Variants in SGPP2 observed in about 807,000 individuals in gnomAD.
SGPP2 encodes sphingosine 1-phosphate phosphohydrolase 2.
In SGPP2, 30 loss-of-function variants were observed where a neutral mutation model predicts 33.9. The ratio of observed to expected loss-of-function variants is 0.89; its 90% CI spans 0.66 to 1.20. SGPP2 has a LOEUF of 1.20. Among genes scored for constraint, SGPP2 ranks in the 50% most tolerant of loss-of-function variants. SGPP2 has a pLI of 0.00. For synonymous variants in SGPP2, 233 were observed against 225.0 expected (o/e 1.04, Z -0.32); for missense variants, 458 against 532.1 (o/e 0.86, Z 1.37).
At chr2:222,504,836 C>G (rs1003150907) in intron 2 of SGPP2, 1 of 152,226 alleles carries the variant, frequency 6.6e-6, no homozygotes, top group Non-Finnish European at 1.5e-5. Flanking sequence ...CCAGCTTTTA[C>G]AGTCATGACA....
intron 1 of SGPP2, among the ~76,000 whole-genome samples, chr2:222,470,617 C>T (rs1171776301): frequency 1.3e-5 from 2 of 151,926 alleles, no homozygotes; most frequent in Non-Finnish European, 2.9e-5. Flanking sequence ...CAATTGTTTA[C>T]TAGGTCTCAG....
intron 2 of SGPP2, among the ~76,000 whole-genome samples, chr2:222,499,485 T>C (rs1698333584): frequency 6.6e-6 from 1 of 152,206 alleles, no homozygotes; most frequent in African/African-American, 2.4e-5. Flanking sequence ...ACTGGCTGTT[T>C]AGAAGGAGAG....
At chr2:222,517,848 G>A (rs980519861) in intron 2 of SGPP2, among the ~76,000 whole-genome samples, 7 of 152,242 alleles carry the variant, frequency 4.6e-5, no homozygotes, top group African/African-American at 1.7e-4. Context: ...TGTGAAGGGG[G>A]TCAGGGAACT....
intron 2 of SGPP2, among the ~76,000 whole-genome samples, chr2:222,493,569 A>G (rs1574859750): frequency 6.6e-6 from 1 of 152,318 alleles, no homozygotes; most frequent in East Asian, 1.9e-4. Flanking sequence ...CTCCTAGACT[A>G]CAGCAGTCCT....
chr2:222,554,811 C>CTTTTTAGTTTTTCTTTACGTGA (rs1689359982), intron 4 of SGPP2, among the ~76,000 whole-genome samples: 1 of 152,116 alleles, frequency 6.6e-6, no homozygotes, highest in Non-Finnish European at 1.5e-5. Context: ...CAAAAGAGAG[C>CTTTTTAGTTTTTCTTTACGTGA]ACCAGCTTTT....
chr2:222,448,213 A>G (rs1697425636), intron 1 of SGPP2, among the ~76,000 whole-genome samples: 1 of 152,200 alleles, frequency 6.6e-6, no homozygotes. Flanking sequence ...CAAGCTCTGT[A>G]CCATAAAGCT....
intron 2 of SGPP2, among the ~76,000 whole-genome samples, chr2:222,483,307 A>AT (rs202239975): frequency 0.025 from 3,666 of 145,960 alleles, 139 homozygotes; most frequent in African/African-American, 0.076. Context: ...TATAAATTTC[A>AT]TTTTTTTTTT....
intron 4 of SGPP2, among the ~76,000 whole-genome samples, chr2:222,540,231 T>A (rs999372506): frequency 4.0e-4 from 61 of 152,192 alleles, no homozygotes; most frequent in African/African-American, 1.4e-3. Flanking sequence ...ATGAAATTCA[T>A]TTATGTTTCA....
In SGPP2 at chr2:222,477,346, G is replaced by T. The variant is rs1009323860; in HGVS notation, c.378+2620G>T. ...ATGTGTGTCTATGTGTGTGTGTATAGGTGTGTATATATGTGTATGTGTGTA... is the reference window on the plus strand; with the variant it reads ...ATGTGTGTCTATGTGTGTGTGTATATGTGTGTATATATGTGTATGTGTGTA... On this transcript the variant is annotated intron_variant, in intron 2 of 4. Coordinates refer to ENST00000321276, the MANE Select transcript of SGPP2 (RefSeq NM_152386.4). The surrounding 1 kb of genome is among the most constrained non-coding windows in gnomAD (Gnocchi z 6.0). Among the ~76,000 whole-genome samples, 1 of 143,168 alleles carries T rather than the reference G, an allele frequency of 7.0e-6. No homozygotes were observed. The highest frequency in any genetic ancestry group is 1.5e-5 in the Non-Finnish European group (1 of 65,224). The allele number at this position is 143,168 out of a possible 152,430, so 93.9% of individuals were successfully genotyped here.
intron 4 of SGPP2, among the ~76,000 whole-genome samples, chr2:222,555,989 G>C (rs1689392068): frequency 6.6e-6 from 1 of 152,142 alleles, no homozygotes; most frequent in Admixed American, 6.5e-5. Context: ...GCCTACCTAG[G>C]TCATGTGCTT....
intron 2 of SGPP2, chr2:222,498,472 T>C (rs2106116084): frequency 6.6e-6 from 1 of 152,246 alleles, no homozygotes; most frequent in East Asian, 1.9e-4. Flanking sequence ...CATTAATTAC[T>C]AAAGGATCAC....
chr2:222,496,336 T>A (rs1472325350), intron 2 of SGPP2, among the ~76,000 whole-genome samples: 1 of 152,210 alleles, frequency 6.6e-6, no homozygotes, highest in Non-Finnish European at 1.5e-5. Context: ...GAGCCAGGGT[T>A]GTTGCATTTA....
intron 2 of SGPP2, among the ~76,000 whole-genome samples, chr2:222,489,334 C>T (rs1698161717): frequency 1.3e-5 from 2 of 151,142 alleles, no homozygotes; most frequent in South Asian, 4.2e-4. Context: ...GGAATAGACA[C>T]AAGGTGATGG....
At chr2:222,478,267 T>G (rs926189426) in intron 2 of SGPP2, among the ~76,000 whole-genome samples, 4 of 141,486 alleles carry the variant, frequency 2.8e-5, no homozygotes, top group Non-Finnish European at 6.0e-5. Context: ...GTGCATGCAT[T>G]TGTGTGTGTG....
chr2:222,516,061 T>C (rs1016676798), intron 2 of SGPP2, among the ~76,000 whole-genome samples: 1 of 152,060 alleles, frequency 6.6e-6, no homozygotes, highest in African/African-American at 2.4e-5. Context: ...AAAATAAAAA[T>C]ATATACAAGT....
intron 1 of SGPP2, among the ~76,000 whole-genome samples, chr2:222,472,077 A>C (rs1697853294): frequency 6.6e-6 from 1 of 152,194 alleles, no homozygotes; most frequent in Non-Finnish European, 1.5e-5. Context: ...CTTTCTGCTA[A>C]GCGTTTCTCA....
chr2:222,533,377 C>T (rs375389547), intron 4 of SGPP2, among the ~76,000 whole-genome samples: 2 of 152,148 alleles, frequency 1.3e-5, no homozygotes, highest in Admixed American at 6.6e-5. Flanking sequence ...ACCCTTGGAC[C>T]AGTGACCCTT....
intron 2 of SGPP2, among the ~76,000 whole-genome samples, chr2:222,510,733 A>T (rs2106125024): frequency 6.6e-6 from 1 of 152,198 alleles, no homozygotes; most frequent in East Asian, 1.9e-4. Context: ...CTCTTTTCAG[A>T]TGAGGGTATT....
At position 222,562,287 on chromosome 2, in the gene SGPP2, C is replaced by G. The variant is rs1259849888; in HGVS notation, c.*3389C>G. 6.6e-6 allele frequency among the ~76,000 whole-genome samples: 1 copy of G among 152,228 alleles called. No individual in the cohort carries two copies. The highest frequency in any genetic ancestry group is 1.5e-5 in the Non-Finnish European group (1 of 68,048). On this transcript the variant is annotated 3_prime_UTR_variant, in exon 5 of 5. Coordinates refer to ENST00000321276, the MANE Select transcript of SGPP2 (RefSeq NM_152386.4). ...TGCAATCTTCATCTAAAACAGCTCT[C>G]ATTTCATGCCAGTTTTGCTCAAACC...
Sources: allele counts gnomAD v4.1 joint callset (sites outside exome capture counted in the v4.1 genomes callset), GRCh38; gene constraint gnomAD v4.1.1; non-coding constraint Gnocchi (gnomAD v3.1); transcripts MANE v1.5; gene names NCBI Gene and HGNC (gene_info 2026-07-23, HGNC 2026-07-21).